Variants in NKAIN2 observed in about 807,000 individuals in gnomAD.
NKAIN2 encodes the protein sodium/potassium transporting ATPase interacting 2.
NKAIN2 carries 14 observed loss-of-function variants against 32.6 expected under a neutral mutation model. The observed-to-expected ratio is 0.43, with a 90% CI of 0.28 to 0.67. The LOEUF (loss-of-function observed/expected upper bound fraction) is 0.67. NKAIN2 is among the 30% of genes least tolerant of loss of function. The probability of loss-of-function intolerance (pLI) is 0.17; values close to 1 mark genes in which losing one functional copy is unlikely to be tolerated. For missense variants in NKAIN2, 198 were observed against 258.3 expected (o/e 0.77, Z 1.60); for synonymous variants, 80 against 87.2 (o/e 0.92, Z 0.46).
intron 4 of NKAIN2, among the ~76,000 whole-genome samples, chr6:124,678,727 T>G: frequency 6.6e-6 from 1 of 152,216 alleles, no homozygotes; most frequent in East Asian, 1.9e-4. Flanking sequence ...TCTTTTGCTC[T>G]TTTGATTGTG....
At chr6:123,981,999 T>C (rs1418506055) in intron 1 of NKAIN2, among the ~76,000 whole-genome samples, 1 of 152,210 alleles carries the variant, frequency 6.6e-6, no homozygotes, top group Admixed American at 6.5e-5. Context: ...AAGTTAAAAC[T>C]ATGTAATCTT....
At chr6:123,942,022 C>T (rs903154072) in intron 1 of NKAIN2, among the ~76,000 whole-genome samples, 2 of 151,938 alleles carry the variant, frequency 1.3e-5, no homozygotes, top group African/African-American at 4.8e-5. Flanking sequence ...AAAGATGCAG[C>T]ATTATTAAAT....
chr6:124,686,680 G>A (rs528476831), intron 4 of NKAIN2, among the ~76,000 whole-genome samples: 1 of 152,252 alleles, frequency 6.6e-6, no homozygotes, highest in South Asian at 2.1e-4. Context: ...AGGTAATCCT[G>A]TATATGCATC....
intron 1 of NKAIN2, among the ~76,000 whole-genome samples, chr6:124,221,499 A>G (rs188678424): frequency 1.3e-5 from 2 of 152,102 alleles, no homozygotes; most frequent in East Asian, 1.9e-4. Context: ...TGGCACATGT[A>G]TACATATGTA....
chr6:124,116,792 A>G (rs1040404598), intron 1 of NKAIN2, among the ~76,000 whole-genome samples: 3 of 152,140 alleles, frequency 2.0e-5, no homozygotes. Context: ...TAGCCATTAT[A>G]TAATCATGTT....
chr6:124,403,267 T>A (rs928765426), intron 3 of NKAIN2, among the ~76,000 whole-genome samples: 2 of 151,874 alleles, frequency 1.3e-5, no homozygotes, highest in Non-Finnish European at 2.9e-5. Context: ...AAATTCCATT[T>A]TTAAATTATT....
At chr6:124,208,772 A>G (rs1791024885) in intron 1 of NKAIN2, among the ~76,000 whole-genome samples, 1 of 151,376 alleles carries the variant, frequency 6.6e-6, no homozygotes, top group Admixed American at 6.6e-5. Flanking sequence ...AAAAATATTT[A>G]TTTATTTAAT....
At chr6:124,455,150 T>C (rs1583278815) in intron 3 of NKAIN2, among the ~76,000 whole-genome samples, 3 of 152,194 alleles carry the variant, frequency 2.0e-5, no homozygotes, top group South Asian at 2.1e-4. Context: ...TTCTGAAACA[T>C]GTGCATACAA....
At chr6:124,227,385 T>G (rs558909606) in intron 1 of NKAIN2, among the ~76,000 whole-genome samples, 5 of 152,218 alleles carry the variant, frequency 3.3e-5, no homozygotes, top group Non-Finnish European at 7.3e-5. Flanking sequence ...AAAACTCTTC[T>G]AATATTGAAG....
intron 1 of NKAIN2, among the ~76,000 whole-genome samples, chr6:124,157,881 T>A (rs1392199221): frequency 6.6e-6 from 1 of 152,186 alleles, no homozygotes; most frequent in Non-Finnish European, 1.5e-5. Flanking sequence ...CTGCTTATCT[T>A]TTTAAAGTGA....
chr6:124,526,046 T>C (rs548351045), intron 3 of NKAIN2, among the ~76,000 whole-genome samples: 1 of 152,168 alleles, frequency 6.6e-6, no homozygotes, highest in Non-Finnish European at 1.5e-5. Context: ...GAGAGGTAAA[T>C]TTCAATTCAA....
intron 4 of NKAIN2, among the ~76,000 whole-genome samples, chr6:124,711,725 T>A (rs1286018377): frequency 6.6e-6 from 1 of 152,008 alleles, no homozygotes; most frequent in Admixed American, 6.6e-5. Context: ...TTCTTCTAAT[T>A]TTTTTTCAAA....
chr6:124,764,758 A>T (rs1239813236), intron 4 of NKAIN2, among the ~76,000 whole-genome samples: 1 of 152,194 alleles, frequency 6.6e-6, no homozygotes, highest in Non-Finnish European at 1.5e-5. Flanking sequence ...GAAGTTGACT[A>T]TAAATGGATT....
intron 1 of NKAIN2, among the ~76,000 whole-genome samples, chr6:124,234,735 G>A (rs1792653277): frequency 6.6e-6 from 1 of 152,064 alleles, no homozygotes; most frequent in Non-Finnish European, 1.5e-5. Context: ...GGCCATGTAG[G>A]ATTTACTAAC....
intron 1 of NKAIN2, among the ~76,000 whole-genome samples, chr6:124,177,123 A>G (rs1322921422): frequency 6.6e-6 from 1 of 152,086 alleles, no homozygotes; most frequent in African/African-American, 2.4e-5. Context: ...AATTTGACAA[A>G]CCCTTGAAAT....
chr6:123,985,518 A>C (rs1212388144), intron 1 of NKAIN2, among the ~76,000 whole-genome samples: 1 of 152,204 alleles, frequency 6.6e-6, no homozygotes, highest in Non-Finnish European at 1.5e-5. Context: ...CATGCTGTTG[A>C]GTGAAGATAA....
chr6:123,805,343 G>A (rs1330396619), intron 1 of NKAIN2, among the ~76,000 whole-genome samples: 1 of 152,180 alleles, frequency 6.6e-6, no homozygotes, highest in Non-Finnish European at 1.5e-5. Flanking sequence ...ATTGAAACTG[G>A]CAGAGGAATT....
chr6:124,661,195 A>G (rs560598007), intron 4 of NKAIN2, among the ~76,000 whole-genome samples: 12 of 152,338 alleles, frequency 7.9e-5, no homozygotes, highest in African/African-American at 2.6e-4. Flanking sequence ...GACAAAGAAT[A>G]TGGCTTATGC....
At chr6:124,239,462 A>G (rs1792956446) in intron 1 of NKAIN2, among the ~76,000 whole-genome samples, 1 of 152,148 alleles carries the variant, frequency 6.6e-6, no homozygotes, top group African/African-American at 2.4e-5. Context: ...GCACCACGTC[A>G]CACTTATTCT....
Sources: gnomAD v4.1 joint callset for allele counts (sites outside exome capture counted in the v4.1 genomes callset) on GRCh38, gnomAD v4.1.1 for gene constraint, MANE v1.5 for transcripts, NCBI Gene and HGNC (gene_info 2026-07-23, HGNC 2026-07-21) for gene names.